SLC18B1: variants seen among roughly 807,000 people sequenced by gnomAD.
SLC18B1 encodes the protein solute carrier family 18 member B1.
SLC18B1 carries 62 observed loss-of-function variants against 53.9 expected under a neutral mutation model. The observed-to-expected ratio is 1.15, with a 90% CI of 0.94 to 1.42. The LOEUF is 1.42. Ranked by LOEUF, SLC18B1 falls within the 40% of genes most tolerant of loss-of-function variation. The pLI is 0.00. For synonymous variants in SLC18B1, 217 were observed against 200.9 expected, an observed-to-expected ratio of 1.08 and a Z score of -0.68; for missense variants, 598 against 547.3, an observed-to-expected ratio of 1.09 and a Z score of -0.93.
chr6:132,786,257 A>G (rs1377498197), intron 5 of SLC18B1, among the ~76,000 whole-genome samples: 3 of 152,302 alleles, frequency 2.0e-5, no homozygotes, highest in Non-Finnish European at 2.9e-5. Context: ...AAAAAGTGGG[A>G]AGAACGTGCC....
chr6:132,793,659 A>G (rs1229101508), intron 2 of SLC18B1, among the ~76,000 whole-genome samples: 1 of 152,168 alleles, frequency 6.6e-6, no homozygotes, highest in African/African-American at 2.4e-5. Flanking sequence ...TCCTACACAT[A>G]AGATAACATC....
intron 7 of SLC18B1, among the ~76,000 whole-genome samples, chr6:132,777,832 A>G (rs59436045): frequency 0.042 from 6,348 of 152,304 alleles, 224 homozygotes; most frequent in African/African-American, 0.089. Context: ...AAACAGCTCA[A>G]AAATACAGGT....
chr6:132,785,594 T>A (rs1475338515), intron 5 of SLC18B1, among the ~76,000 whole-genome samples: 1 of 152,098 alleles, frequency 6.6e-6, no homozygotes, highest in Non-Finnish European at 1.5e-5. Flanking sequence ...CATTAGTGTG[T>A]TAGCTGTTGG....
Position 132,788,726 on chromosome 6 carries a change from G to A in SLC18B1, c.353+1038C>T, listed in dbSNP as rs143785228. Reference sequence around the variant, plus strand: ...TAATGCCAGCTATTTGGAAGGTTGAGGCAAGAGAGTGGCTTGAACCTGGGA... The same window carrying A: ...TAATGCCAGCTATTTGGAAGGTTGAAGCAAGAGAGTGGCTTGAACCTGGGA... On this transcript the variant is annotated intron_variant, in intron 4 of 13. Coordinates refer to ENST00000275227, the MANE Select transcript of SLC18B1 (RefSeq NM_052831.3). 3.0e-3 allele frequency among the ~76,000 whole-genome samples: 448 copies of A among 151,814 alleles called. 1 individual carries two copies. The highest frequency in any genetic ancestry group is 4.1e-3 in the Admixed American group (63 of 15,226).
rs56286125 is a variant in SLC18B1 at position 132,796,532 on chromosome 6, GAAAAA to G, written c.183+445_183+449del. 6.4e-5 allele frequency among the ~76,000 whole-genome samples: 5 copies of G among 77,890 alleles called. No individual in the cohort carries two copies. The South Asian group carries it at 2.6e-3, about 40-fold the overall frequency. The allele number at this position is 77,890 out of a possible 152,430, so 51.1% of individuals were successfully genotyped here. On this transcript the variant is annotated intron_variant, in intron 2 of 13. Transcript: ENST00000275227. ...CAAGAGCGAAACCCTGTCTCGAAAGGAAAAAAAAAAAAAAAAAAAAAAGGAAGGGG... is the reference window on the plus strand; with the variant it reads ...CAAGAGCGAAACCCTGTCTCGAAAGGAAAAAAAAAAAAAAAAAGGAAGGGG...
chr6:132,796,354 C>CAAAAAAAAAAAAAA (rs780737208), intron 2 of SLC18B1, among the ~76,000 whole-genome samples: 30 of 44,698 alleles, frequency 6.7e-4, no homozygotes, highest in African/African-American at 3.3e-3. Context: ...GACTCCATCT[C>CAAAAAAAAAAAAAA]AAAAAAAAAA....
At position 132,783,934 on chromosome 6, in the gene SLC18B1, G is replaced by T. The variant is rs140945559; in HGVS notation, c.657C>A (p.Tyr219Ter). The change falls in exon 6 of 14, where the codon TAC becomes TAA. Residue 219 changes from tyrosine (Y) to a stop codon, truncating the protein, a stop_gained and splice_region_variant. Coordinates refer to ENST00000275227, the MANE Select transcript of SLC18B1 (RefSeq NM_052831.3). LOFTEE classifies it high-confidence loss of function. Reference protein sequence around the residue: ...VPLNMYILPNYESDPGEHSFW... With the variant: ...VPLNMYILPN Reference sequence around the variant, plus strand: ...AATGAGTAATAAGTGTGGACTTACCGTAATTGGGTAAAATATACATATTGA... The same window carrying T: ...AATGAGTAATAAGTGTGGACTTACCTTAATTGGGTAAAATATACATATTGA... 1.3e-6 allele frequency: 2 copies of T among 1,584,790 alleles called. No individual in the cohort carries two copies. Among genetic ancestry groups the T allele is most frequent in the Non-Finnish European group, 1.7e-6 (2 of 1,168,548 alleles).
chr6:132,793,162 A>G (rs1032433446), intron 2 of SLC18B1, among the ~76,000 whole-genome samples: 2 of 152,092 alleles, frequency 1.3e-5, no homozygotes, highest in East Asian at 3.8e-4. Context: ...TGGTCCTCTG[A>G]CAAAAGATGA....
At chr6:132,779,475 A>T in intron 6 of SLC18B1, 71 bp from the exon 7 acceptor site, 3 of 1,506,818 alleles carry the variant, frequency 2.0e-6, no homozygotes, top group Non-Finnish European at 2.7e-6. Flanking sequence ...AACTATTTGG[A>T]AAACTGGTAA....
intron 2 of SLC18B1, among the ~76,000 whole-genome samples, chr6:132,792,386 AAG>A (rs1287094604): frequency 6.7e-6 from 1 of 148,526 alleles, no homozygotes; most frequent in Non-Finnish European, 1.5e-5. Flanking sequence ...AAGAAAGAGA[AAG>A]AAGGAAAGAA....
intron 7 of SLC18B1, 118 bp from the exon 8 acceptor site, chr6:132,776,547 G>T: frequency 4.3e-6 from 3 of 693,478 alleles, no homozygotes; most frequent in Non-Finnish European, 7.0e-6. Flanking sequence ...ATAATATTCT[G>T]CATTTTCCTA....
chr6:132,796,812 T>C (rs541255329), intron 2 of SLC18B1, among the ~76,000 whole-genome samples, 170 bp downstream of exon 2: 20 of 152,288 alleles, frequency 1.3e-4, no homozygotes, highest in South Asian at 8.3e-4. Flanking sequence ...TTTTTTTTCC[T>C]GGTATCAGGC....
chr6:132,797,295 C>T (rs1001389956), intron 1 of SLC18B1, among the ~76,000 whole-genome samples, 174 bp from the exon 2 acceptor site: 59 of 152,210 alleles, frequency 3.9e-4, no homozygotes, highest in African/African-American at 1.4e-3. Context: ...ACATTACTGC[C>T]GTTTTGAAAA....
intron 3 of SLC18B1, 136 bp downstream of exon 3, chr6:132,790,041 C>G (rs894892334): frequency 1.3e-6 from 1 of 743,848 alleles, no homozygotes; most frequent in African/African-American, 1.8e-5. Context: ...GAGGAGAGAA[C>G]TGTCAACACT....
intron 6 of SLC18B1, 150 bp from the exon 7 acceptor site, chr6:132,779,554 C>T (rs765464093): frequency 1.0e-4 from 78 of 781,800 alleles, no homozygotes; most frequent in Non-Finnish European, 1.5e-4. Flanking sequence ...ACCATCTATA[C>T]TTGCATATAA....
chr6:132,782,591 C>T (rs1331200436), intron 6 of SLC18B1, among the ~76,000 whole-genome samples: 3 of 151,588 alleles, frequency 2.0e-5, no homozygotes, highest in Non-Finnish European at 4.4e-5. Context: ...GGAGAGGGGA[C>T]TTGGTGAGCA....
Position 132,776,380 on chromosome 6 carries a change from A to T in SLC18B1, c.845T>A (p.Leu282Gln). 1 of 1,613,772 alleles carries T rather than the reference A, an allele frequency of 6.2e-7. No individual in the cohort carries two copies. The part of the protein sequence containing the change: ...YVGLVFLGMA[L>Q]SYAISSPLFG... ...TAGTGGTGAAGAGATGGCATAGGAC[A>T]GTGCCATACCCAGGAATACTAGTCC... The change falls in exon 8 of 14, where the codon CTG (leucine) becomes CAG (glutamine). Residue 282 changes from leucine to glutamine, a missense_variant. Coordinates refer to ENST00000275227, the MANE Select transcript of SLC18B1 (RefSeq NM_052831.3).
In SLC18B1 at chr6:132,770,054, A is replaced by G. The variant is rs1214546872; in HGVS notation, c.*216T>C. The stretch of plus-strand genomic sequence containing the variant: ...TTTTTAATTACTCCTTTCATACTTA[A>G]TATTTCAAATATAGCTGCTTCAGCA... On this transcript the variant is annotated 3_prime_UTR_variant, in exon 14 of 14. Coordinates refer to ENST00000275227, the MANE Select transcript of SLC18B1 (RefSeq NM_052831.3). The G allele has an allele frequency of 5.2e-6, 2 of 385,504 alleles. No homozygotes were observed. Among genetic ancestry groups the G allele is most frequent in the Admixed American group, 4.5e-5 (1 of 22,464 alleles). 23.9% of individuals were successfully genotyped at this position (385,504 alleles called of 1,614,324 possible).
At chr6:132,786,673 A>G (rs1781385470) in intron 5 of SLC18B1, among the ~76,000 whole-genome samples, 1 of 152,114 alleles carries the variant, frequency 6.6e-6, no homozygotes, top group South Asian at 2.1e-4. Flanking sequence ...AGTCCTCGGT[A>G]CTAAGCTGAT....
Sources: gnomAD v4.1 joint callset for allele counts (sites outside exome capture counted in the v4.1 genomes callset) on GRCh38, gnomAD v4.1.1 for gene constraint, MANE v1.5 for transcripts, NCBI Gene and HGNC (gene_info 2026-07-23, HGNC 2026-07-21) for gene names.